The following SORCS3 variants were observed in gnomAD, a reference collection of about 807,000 sequenced individuals.
SORCS3 encodes sortilin related VPS10 domain containing receptor 3.
In SORCS3, 57 loss-of-function variants were observed where a neutral mutation model predicts 146.3. The observed-to-expected ratio is 0.39, with a 90% CI of 0.31 to 0.49. The LOEUF is 0.49. Among genes scored for constraint, SORCS3 ranks in the 20% least tolerant of loss-of-function variants. The pLI is 0.92. For synonymous variants in SORCS3, 653 were observed against 618.5 expected (o/e 1.06, Z -0.83); for missense variants, 1,341 against 1,575.5 (o/e 0.85, Z 2.52).
At chr10:105,119,309 G>A (rs1175230043) in intron 7 of SORCS3, among the ~76,000 whole-genome samples, 1 of 152,172 alleles carries the variant, frequency 6.6e-6, no homozygotes, top group Non-Finnish European at 1.5e-5. Flanking sequence ...AGGATGTTGG[G>A]AAATGCCTGG....
chr10:105,168,172 G>GATT (rs2056330055), intron 13 of SORCS3, among the ~76,000 whole-genome samples: 1 of 152,084 alleles, frequency 6.6e-6, no homozygotes, highest in Non-Finnish European at 1.5e-5. Flanking sequence ...GACTATAATA[G>GATT]ATTTATAAAC....
chr10:104,655,783 C>T (rs544373926), intron 1 of SORCS3, among the ~76,000 whole-genome samples: 28 of 152,238 alleles, frequency 1.8e-4, no homozygotes, highest in South Asian at 6.2e-4. Flanking sequence ...GCCCCCACTC[C>T]GCCTTGCTCC....
At chr10:104,960,929 C>T (rs2054792165) in intron 3 of SORCS3, among the ~76,000 whole-genome samples, 1 of 152,102 alleles carries the variant, frequency 6.6e-6, no homozygotes, top group Admixed American at 6.5e-5. Flanking sequence ...ATCTGCAGTT[C>T]TTAAATTAGC....
intron 9 of SORCS3, among the ~76,000 whole-genome samples, chr10:105,150,637 A>G (rs1415475034): frequency 1.3e-5 from 2 of 152,204 alleles, no homozygotes; most frequent in East Asian, 3.8e-4. Context: ...AATGCTTGTC[A>G]GGGACAAGAA....
intron 1 of SORCS3, among the ~76,000 whole-genome samples, chr10:104,737,048 C>T (rs949770204): frequency 3.3e-5 from 5 of 151,920 alleles, no homozygotes; most frequent in Admixed American, 6.6e-5. Flanking sequence ...TTTGTCCTTG[C>T]GATAGTTTAC....
intron 1 of SORCS3, among the ~76,000 whole-genome samples, chr10:104,787,907 G>A (rs946641571): frequency 3.3e-5 from 5 of 152,130 alleles, no homozygotes. Context: ...TACAATTGCA[G>A]ATTTTTATGA....
intron 6 of SORCS3, among the ~76,000 whole-genome samples, chr10:105,092,983 C>T (rs944514251): frequency 6.6e-6 from 1 of 151,966 alleles, no homozygotes; most frequent in Non-Finnish European, 1.5e-5. Context: ...TGCAATAAAG[C>T]AAGAAAAATG....
chr10:104,737,540 C>G (rs1222823071), intron 1 of SORCS3, among the ~76,000 whole-genome samples: 2 of 152,040 alleles, frequency 1.3e-5, no homozygotes, highest in African/African-American at 2.4e-5. Flanking sequence ...TGATGGTGAG[C>G]ATTTTTTCAT....
intron 4 of SORCS3, among the ~76,000 whole-genome samples, chr10:105,039,474 T>TTTTTG (rs1372052573): frequency 7.4e-6 from 1 of 134,844 alleles, no homozygotes; most frequent in Non-Finnish European, 1.6e-5. Flanking sequence ...TTTTTTTTTT[T>TTTTTG]GAGATGGAGT....
chr10:104,763,685 T>G (rs1302829690), intron 1 of SORCS3, among the ~76,000 whole-genome samples: 1 of 152,316 alleles, frequency 6.6e-6, no homozygotes, highest in Non-Finnish European at 1.5e-5. Context: ...TTAGACCATA[T>G]TTTTTCAAAG....
At chr10:105,198,359 A>C (rs1423552102) in intron 14 of SORCS3, among the ~76,000 whole-genome samples, 1 of 152,174 alleles carries the variant, frequency 6.6e-6, no homozygotes. Context: ...TGGATAGAGA[A>C]AAAAAAGATA....
intron 2 of SORCS3, among the ~76,000 whole-genome samples, chr10:104,875,494 G>A (rs2018562405): frequency 6.6e-6 from 1 of 152,294 alleles, no homozygotes; most frequent in African/African-American, 2.4e-5. Context: ...ATTAGTTAAT[G>A]TTTGTAAAGT....
intron 19 of SORCS3, chr10:105,217,731 C>G: frequency 2.2e-6 from 1 of 445,516 alleles, no homozygotes; most frequent in Non-Finnish European, 4.5e-6. Flanking sequence ...TTGGCACAAA[C>G]CAAAAGAACA....
chr10:105,169,018 C>T (rs778806708), intron 13 of SORCS3, among the ~76,000 whole-genome samples: 1 of 152,068 alleles, frequency 6.6e-6, no homozygotes, highest in Non-Finnish European at 1.5e-5. Context: ...TAATGATAGT[C>T]AGTATTTATT....
intron 2 of SORCS3, among the ~76,000 whole-genome samples, chr10:104,872,901 C>T (rs186071035): frequency 4.6e-4 from 70 of 152,326 alleles, no homozygotes; most frequent in Non-Finnish European, 8.8e-4. Flanking sequence ...AAAGCATCAT[C>T]ATTTGCCATG....
intron 3 of SORCS3, among the ~76,000 whole-genome samples, chr10:104,919,847 T>C (rs2019069708): frequency 6.6e-6 from 1 of 152,220 alleles, no homozygotes; most frequent in South Asian, 2.1e-4. Flanking sequence ...ACACGTAGTC[T>C]ACATTCTAAC....
intron 1 of SORCS3, among the ~76,000 whole-genome samples, chr10:104,773,202 C>T (rs745947): frequency 0.045 from 6,803 of 152,150 alleles, 167 homozygotes; most frequent in Admixed American, 0.065. Context: ...GACAGGTGCA[C>T]GAGTATCTGA....
intron 1 of SORCS3, among the ~76,000 whole-genome samples, chr10:104,645,128 AC>A (rs2015475330): frequency 6.6e-6 from 1 of 152,144 alleles, no homozygotes; most frequent in Admixed American, 6.5e-5. Flanking sequence ...CCACCTCTTG[AC>A]CATGTTGCCT....
At chr10:105,263,092 G>T (rs1201645176) in intron 26 of SORCS3, among the ~76,000 whole-genome samples, 1 of 152,232 alleles carries the variant, frequency 6.6e-6, no homozygotes, top group Non-Finnish European at 1.5e-5. Flanking sequence ...AGCAGTCAAT[G>T]TCTTGATCCC....
Sources: allele counts gnomAD v4.1 joint callset (sites outside exome capture counted in the v4.1 genomes callset), GRCh38; gene constraint gnomAD v4.1.1; transcripts MANE v1.5; gene names NCBI Gene and HGNC (gene_info 2026-07-23, HGNC 2026-07-21).